The following APBB2 variants were observed in gnomAD, a reference collection of about 807,000 sequenced individuals.
APBB2 encodes the protein amyloid beta precursor protein binding family B member 2.
Under a neutral mutation model 82.5 loss-of-function variants are expected in APBB2, and 38 were observed. The ratio of observed to expected loss-of-function variants is 0.46; its 90% CI spans 0.36 to 0.60. APBB2 has a LOEUF of 0.60. Ranked by LOEUF, APBB2 falls within the 20% of genes least tolerant of loss-of-function variation. The probability of loss-of-function intolerance (pLI) is 0.00; values close to 1 mark genes in which losing one functional copy is unlikely to be tolerated. For missense variants in APBB2, 772 were observed against 972.3 expected (o/e 0.79, Z 2.74); for synonymous variants, 341 against 368.2 (o/e 0.93, Z 0.85).
In APBB2 at chr4:40,887,121, G is replaced by A. The variant is rs574986758; in HGVS notation, c.1529+3243C>T. ...CTCCTTGTGCTGTTCATAGTAAGAG[G>A]TCTCTCCAACTCAACCCTGGGGGGC... On this transcript the variant is annotated intron_variant, in intron 12 of 17. Coordinates refer to ENST00000508593, the MANE Select transcript of APBB2 (RefSeq NM_004307.2). Among the ~76,000 whole-genome samples the A allele has an allele frequency of 1.1e-4, 16 of 152,242 alleles. No individual in the cohort carries two copies. In the South Asian group the frequency reaches 2.9e-3, roughly 28 times the overall value.
chr4:40,878,221 T>G (rs1405673712), intron 12 of APBB2, among the ~76,000 whole-genome samples: 3 of 151,910 alleles, frequency 2.0e-5, no homozygotes, highest in Non-Finnish European at 4.4e-5. Flanking sequence ...GTGGCACATG[T>G]CTGTAATTCC....
At chr4:40,916,413 G>C (rs1779844020) in intron 10 of APBB2, among the ~76,000 whole-genome samples, 1 of 152,242 alleles carries the variant, frequency 6.6e-6, no homozygotes, top group Non-Finnish European at 1.5e-5. Flanking sequence ...GCCTGTTCCA[G>C]AAGCATGTGT....
chr4:40,831,139 C>T (rs192252354), intron 12 of APBB2, among the ~76,000 whole-genome samples: 1 of 151,842 alleles, frequency 6.6e-6, no homozygotes, highest in Admixed American at 6.6e-5. Context: ...GTGGCTCATG[C>T]CTGTAATCCC....
intron 10 of APBB2, among the ~76,000 whole-genome samples, chr4:40,900,269 A>G (rs1774894429): frequency 6.6e-6 from 1 of 152,118 alleles, no homozygotes; most frequent in Non-Finnish European, 1.5e-5. Flanking sequence ...CTGGAGGACT[A>G]CAGAGATGAG....
intron 1 of APBB2, among the ~76,000 whole-genome samples, chr4:41,159,960 G>GCA (rs1560913299): frequency 1.4e-5 from 1 of 72,208 alleles, no homozygotes; most frequent in African/African-American, 5.1e-5. Context: ...AGAAGGAGAA[G>GCA]GAGAAGAAGA....
At chr4:41,153,398 C>G (rs1762745090) in intron 1 of APBB2, among the ~76,000 whole-genome samples, 1 of 152,230 alleles carries the variant, frequency 6.6e-6, no homozygotes, top group South Asian at 2.1e-4. Context: ...CCAAAACCTA[C>G]TTTTCCTCCT....
At chr4:41,034,131 C>T (rs558715051) in intron 4 of APBB2, among the ~76,000 whole-genome samples, 1 of 152,344 alleles carries the variant, frequency 6.6e-6, no homozygotes, top group South Asian at 2.1e-4. Context: ...CTCGGCAATT[C>T]CACTTCTGAT....
At position 40,944,950 on chromosome 4, in the gene APBB2, C is replaced by A; in HGVS notation, c.959G>T (p.Arg320Leu). 1.2e-6 allele frequency: 2 copies of A among 1,613,912 alleles called. No individual in the cohort carries two copies. The highest frequency in any genetic ancestry group is 1.7e-6 in the Non-Finnish European group (2 of 1,180,014). ...HIPTGTTQWE[R>L]PVSIPADLQG... ...GAGATCTGCTGGGATGGAGACGGGC[C>A]GTTCCCACTGAGTCGTTCCTGTTGG... is the stretch of plus-strand genomic sequence containing the variant. Residue 320 changes from arginine to leucine, a missense_variant, in exon 7 of 18, where the codon CGG becomes CTG. Transcript: ENST00000508593.
intron 12 of APBB2, chr4:40,881,534 C>CTTTTTTTTTTTT (rs71198611): frequency 5.1e-4 from 74 of 145,878 alleles, no homozygotes; most frequent in African/African-American, 8.7e-4. Flanking sequence ...TTTTCTTTTT[C>CTTTTTTTTTTTT]TTTTTTTTTT....
At chr4:40,895,907 T>C (rs1204204275) in intron 10 of APBB2, among the ~76,000 whole-genome samples, 1 of 152,208 alleles carries the variant, frequency 6.6e-6, no homozygotes, top group African/African-American at 2.4e-5. Context: ...ACAAAGCTGG[T>C]GAGTGGTAGA....
chr4:40,883,601 A>G (rs548783793), intron 12 of APBB2, among the ~76,000 whole-genome samples: 1 of 151,758 alleles, frequency 6.6e-6, no homozygotes, highest in East Asian at 1.9e-4. Flanking sequence ...AAAAAGAAAA[A>G]CTTACTCAAG....
At chr4:41,079,441 C>T (rs1484138717) in intron 3 of APBB2, among the ~76,000 whole-genome samples, 1 of 151,772 alleles carries the variant, frequency 6.6e-6, no homozygotes, top group Non-Finnish European at 1.5e-5. Context: ...CAAAGCAGAA[C>T]AAAGAAGATT....
chr4:40,896,265 T>C (rs1272606783), intron 10 of APBB2, among the ~76,000 whole-genome samples: 1 of 152,226 alleles, frequency 6.6e-6, no homozygotes, highest in Non-Finnish European at 1.5e-5. Flanking sequence ...GGTTTCACCA[T>C]GTTGGCCAGG....
chr4:40,813,821 A>G lies in APBB2; in HGVS notation c.*2271T>C, dbSNP rs549214589. On this transcript the variant is annotated 3_prime_UTR_variant, in exon 18 of 18. Coordinates refer to ENST00000508593, the MANE Select transcript of APBB2 (RefSeq NM_004307.2). The stretch of plus-strand genomic sequence containing the variant: ...TTATCACACTAAAATGTTTCACTAC[A>G]GCGACCGAGATGAAAGATCACTGTA... The G allele has an allele frequency of 5.9e-5, 9 of 152,334 alleles. No homozygotes were observed. The South Asian group carries it at 1.0e-3, about 18-fold the overall frequency. The allele number at this position is 152,334 out of a possible 1,614,324, so 9.4% of individuals were successfully genotyped here. A position where few individuals can be genotyped will look rare whatever the true frequency, so the allele number is the denominator to read the frequency against.
At position 41,109,928 on chromosome 4, in the gene APBB2, T is replaced by C. The variant is rs369919715; in HGVS notation, c.-260-9178A>G. ...TTCTGGTTCTACCCTAATATCAAGG[T>C]GCTTTGTATTATTTAGTTTTAAACA... On this transcript the variant is annotated intron_variant, in intron 2 of 17. Transcript: ENST00000508593. Among the ~76,000 whole-genome samples, 7 of 152,174 alleles carry C rather than the reference T, an allele frequency of 4.6e-5. No individual in the cohort carries two copies. The East Asian group carries it at 7.7e-4, about 17-fold the overall frequency.
intron 12 of APBB2, among the ~76,000 whole-genome samples, chr4:40,874,004 C>T (rs1766220008): frequency 6.6e-6 from 1 of 151,996 alleles, no homozygotes; most frequent in African/African-American, 2.4e-5. Flanking sequence ...AAGTGGCTTA[C>T]AATAAAAGGC....
At chr4:40,850,964 T>A (rs1182143402) in intron 12 of APBB2, among the ~76,000 whole-genome samples, 4 of 152,146 alleles carry the variant, frequency 2.6e-5, no homozygotes, top group South Asian at 2.1e-4. Context: ...AATTTTTTTT[T>A]AAAACTGGCC....
At chr4:40,932,295 A>G (rs1168974809) in intron 10 of APBB2, among the ~76,000 whole-genome samples, 1 of 152,224 alleles carries the variant, frequency 6.6e-6, no homozygotes, top group African/African-American at 2.4e-5. Flanking sequence ...GTTCCTTACC[A>G]TAAAATTTAT....
At chr4:41,063,950 AT>A (rs11422110) in intron 4 of APBB2, among the ~76,000 whole-genome samples, 3,200 of 91,618 alleles carry the variant, frequency 0.035, 21 homozygotes, top group Middle Eastern at 0.051. Context: ...AAATGCTGGG[AT>A]TTTTTTTTTT....
Sources: allele counts gnomAD v4.1 joint callset (sites outside exome capture counted in the v4.1 genomes callset), GRCh38; gene constraint gnomAD v4.1.1; transcripts MANE v1.5; gene names NCBI Gene and HGNC (gene_info 2026-07-23, HGNC 2026-07-21).